The following NSD1 variants were observed in gnomAD, a reference collection of about 807,000 sequenced individuals.
NSD1 encodes histone-lysine N-methyltransferase, H3 lysine-36 specific.
NSD1 carries 26 observed loss-of-function variants against 242.7 expected under a neutral mutation model. The ratio of observed to expected loss-of-function variants is 0.11; its 90% CI spans 0.08 to 0.15. NSD1 has a LOEUF of 0.15. Among genes scored for constraint, NSD1 ranks in the 10% least tolerant of loss-of-function variants. The pLI is 1.00. For synonymous variants in NSD1, 1,106 were observed against 1,178.1 expected (o/e 0.94, Z 1.25); for missense variants, 2,495 against 3,272.8 (o/e 0.76, Z 5.80).
Position 177,282,700 on chromosome 5 carries a change from TGG to T in NSD1, c.6009+121_6009+122del. 3.6e-6 allele frequency: 3 copies of T among 823,442 alleles called. No homozygotes were observed. In the Middle Eastern group the frequency reaches 6.6e-4, roughly 182 times the overall value. 51.0% of individuals were successfully genotyped at this position (823,442 alleles called of 1,614,324 possible). On this transcript the variant is annotated intron_variant, in intron 19 of 22. Transcript: ENST00000439151. ...AGGTAGGGTCTTTTCCCATACCCAT[TGG>T]GATTGCTGGATTGGGGTTCTGGAGT... is the stretch of plus-strand genomic sequence containing the variant.
rs1241441479 is a variant in NSD1, at chr5:177,298,312, T to A, written c.*2853T>A. On this transcript the variant is annotated 3_prime_UTR_variant, in exon 23 of 23. Coordinates refer to ENST00000439151, the MANE Select transcript of NSD1 (RefSeq NM_022455.5). Reference sequence around the variant, plus strand: ...TTGGAAATTGAGATCTCAAGAGTGTTTGCCTTGGAGCCAGCTCCCCAGGAG... The same window carrying A: ...TTGGAAATTGAGATCTCAAGAGTGTATGCCTTGGAGCCAGCTCCCCAGGAG... 4.3e-6 allele frequency: 1 copy of A among 233,128 alleles called. No homozygotes were observed. The highest frequency in any genetic ancestry group is 8.5e-6 in the Non-Finnish European group (1 of 118,024). 14.4% of individuals were successfully genotyped at this position (233,128 alleles called of 1,614,324 possible).
chr5:177,254,740 T>C (rs556439229), intron 12 of NSD1, among the ~76,000 whole-genome samples: 3 of 152,350 alleles, frequency 2.0e-5, no homozygotes, highest in South Asian at 2.1e-4. Context: ...CTGTGTTTTC[T>C]TCATAGAATT....
intron 2 of NSD1, among the ~76,000 whole-genome samples, chr5:177,185,747 A>T (rs1246116583): frequency 5.9e-5 from 6 of 101,202 alleles, no homozygotes; most frequent in Non-Finnish European, 1.1e-4. Flanking sequence ...TTTATATATT[A>T]TATATAATAT....
intron 8 of NSD1, 119 bp from the exon 9 acceptor site, chr5:177,244,076 T>C: frequency 1.3e-6 from 1 of 767,954 alleles, no homozygotes; most frequent in Non-Finnish European, 2.2e-6. Flanking sequence ...TTTCTTTAAT[T>C]GCTAAAACAA....
In NSD1 at chr5:177,294,118, G is replaced by T. The variant is rs35848863; in HGVS notation, c.6750G>T (p.Met2250Ile). 1.9e-6 allele frequency: 3 copies of T among 1,614,012 alleles called. No individual in the cohort carries two copies. Among genetic ancestry groups the T allele is most frequent in the South Asian group, 2.2e-5 (2 of 91,072 alleles). Residue 2250 changes from methionine (M) to isoleucine (I), a missense_variant, in exon 23 of 23, where the codon ATG becomes ATT. Physicochemically the swap from Met to Ile is conservative, Grantham distance 10. This residue lies in a region of NSD1 where 475 missense variants were observed against 563.7 expected (regional missense o/e 0.84). Transcript: ENST00000439151. ...STGMAAQAPKMSDKPPADTNQ... is the reference protein window; with the variant it reads ...STGMAAQAPKISDKPPADTNQ... ...GAATGGCTGCTCAGGCACCCAAAATGTCAGATAAACCTCCTGCTGACACCA... is the reference window on the plus strand; with the variant it reads ...GAATGGCTGCTCAGGCACCCAAAATTTCAGATAAACCTCCTGCTGACACCA...
chr5:177,182,024 C>T (rs1163992122), intron 2 of NSD1, among the ~76,000 whole-genome samples: 3 of 151,820 alleles, frequency 2.0e-5, no homozygotes, highest in Non-Finnish European at 4.4e-5. Context: ...TGGTGGCGGG[C>T]GTCTGTAGTC....
intron 20 of NSD1, chr5:177,288,426 GT>G (rs1333366331): frequency 1.1e-5 from 3 of 277,166 alleles, no homozygotes; most frequent in Non-Finnish European, 1.4e-5. Flanking sequence ...GGTAACATGT[GT>G]TCACCTGAGA....
intron 16 of NSD1, among the ~76,000 whole-genome samples, chr5:177,272,612 G>A (rs528740216): frequency 5.3e-5 from 8 of 152,106 alleles, no homozygotes; most frequent in Non-Finnish European, 1.0e-4. Context: ...TACAGGGGCC[G>A]GGCACAGTGA....
chr5:177,270,607 T>C (rs1757870236), intron 16 of NSD1, among the ~76,000 whole-genome samples: 1 of 152,222 alleles, frequency 6.6e-6, no homozygotes, highest in South Asian at 2.1e-4. Context: ...GCACTTCCAT[T>C]ATGTTCCTCA....
Position 177,294,142 on chromosome 5 carries a change from C to A in NSD1, c.6774C>A (p.Thr2258=). Residue 2258 remains threonine, a synonymous_variant, in exon 23 of 23, where the codon ACC becomes ACA. Coordinates refer to ENST00000439151, the MANE Select transcript of NSD1 (RefSeq NM_022455.5). ...TGTCAGATAAACCTCCTGCTGACACCAACCAGATGCTGTCGCTCTCCAAAA... is the reference window on the plus strand; with the variant it reads ...TGTCAGATAAACCTCCTGCTGACACAAACCAGATGCTGTCGCTCTCCAAAA... ...PKMSDKPPAD[T]NQMLSLSKKA... The A allele has an allele frequency of 6.2e-7, 1 of 1,614,174 alleles. No individual in the cohort carries two copies. Among genetic ancestry groups the A allele is most frequent in the Non-Finnish European group, 8.5e-7 (1 of 1,180,016 alleles).
chr5:177,181,427 G>GTTTTTTTTTTTTTTTTTTTTT (rs34848476), intron 2 of NSD1, among the ~76,000 whole-genome samples: 1 of 117,334 alleles, frequency 8.5e-6, no homozygotes. Flanking sequence ...TTTTTTTTTG[G>GTTTTTTTTTTTTTTTTTTTTT]TTTTTTTTTT....
intron 2 of NSD1, among the ~76,000 whole-genome samples, chr5:177,158,022 T>C (rs746061856): frequency 6.6e-6 from 1 of 152,248 alleles, no homozygotes; most frequent in East Asian, 1.9e-4. Context: ...ATTTTGTTTC[T>C]TCCACTTTGT....
At chr5:177,181,928 G>A (rs377109699) in intron 2 of NSD1, among the ~76,000 whole-genome samples, 5 of 151,898 alleles carry the variant, frequency 3.3e-5, no homozygotes, top group South Asian at 2.1e-4. Flanking sequence ...CCAGGTGGGC[G>A]GATCACGAGG....
intron 5 of NSD1, among the ~76,000 whole-genome samples, chr5:177,223,223 A>T (rs753575717): frequency 1.1e-4 from 16 of 151,744 alleles, no homozygotes; most frequent in Non-Finnish European, 1.9e-4. Context: ...CTGGGATTAC[A>T]GGCATGCGCC....
intron 14 of NSD1, among the ~76,000 whole-genome samples, chr5:177,267,021 C>T (rs1375439434): frequency 1.3e-5 from 2 of 152,272 alleles, no homozygotes; most frequent in Middle Eastern, 3.4e-3. Flanking sequence ...TGTGCCACCA[C>T]GCGTGGCTAA....
intron 20 of NSD1, among the ~76,000 whole-genome samples, chr5:177,285,104 C>T (rs953835959): frequency 5.3e-5 from 8 of 152,012 alleles, no homozygotes; most frequent in Admixed American, 4.6e-4. Context: ...TAATTTGAAT[C>T]GAAAGTAAAT....
chr5:177,238,547 A>G lies in NSD1; in HGVS notation c.4192+40A>G, dbSNP rs767654630. On this transcript the variant is annotated intron_variant, in intron 7 of 22. Coordinates refer to ENST00000439151, the MANE Select transcript of NSD1 (RefSeq NM_022455.5). The surrounding 1 kb of genome is among the most constrained non-coding windows in gnomAD (Gnocchi z 4.6). Reference sequence around the variant, plus strand: ...GGGTCTCAGTATTTGAGCAGATATGATTAGAGGAAGCAGGAGATTTTAGTA... The same window carrying G: ...GGGTCTCAGTATTTGAGCAGATATGGTTAGAGGAAGCAGGAGATTTTAGTA... 2.5e-6 allele frequency: 4 copies of G among 1,603,438 alleles called. No individual in the cohort carries two copies. The highest frequency in any genetic ancestry group is 3.4e-6 in the Non-Finnish European group (4 of 1,177,266).
At chr5:177,191,572 C>A (rs1317694527) in intron 2 of NSD1, among the ~76,000 whole-genome samples, 1 of 151,366 alleles carries the variant, frequency 6.6e-6, no homozygotes, top group Non-Finnish European at 1.5e-5. Context: ...GGTGTCTTTT[C>A]CTTCGGATGA....
Position 177,212,487 on chromosome 5 carries a change from C to CT in NSD1, c.3796+306dup, listed in dbSNP as rs34930823. Among the ~76,000 whole-genome samples the CT allele has an allele frequency of 0.24, 30,158 of 126,640 alleles. 3,654 individuals are homozygous for CT. The highest frequency in any genetic ancestry group is 0.49 in the East Asian group (2,204 of 4,490). 83.1% of individuals were successfully genotyped at this position (126,640 alleles called of 152,430 possible). ...TCTCTCTCTCTCTTTCTCTCTCTCT[C>CT]TTTTTTTTTTTTTTCTAATTTTTTT... On this transcript the variant is annotated intron_variant, in intron 5 of 22. Coordinates refer to ENST00000439151, the MANE Select transcript of NSD1 (RefSeq NM_022455.5).
Sources: gnomAD v4.1 joint callset for allele counts (sites outside exome capture counted in the v4.1 genomes callset) on GRCh38, gnomAD v4.1.1 for gene constraint, gnomAD v4.1.1 regional missense constraint, Gnocchi (gnomAD v3.1) non-coding constraint, MANE v1.5 for transcripts, NCBI Gene and HGNC (gene_info 2026-07-23, HGNC 2026-07-21) for gene names.